Variants in RGS13 observed in about 807,000 individuals in gnomAD.
RGS13 encodes the protein regulator of G-protein signalling 13.
In RGS13, 14 loss-of-function variants were observed where a neutral mutation model predicts 19.9. The observed-to-expected ratio is 0.70, with a 90% CI of 0.46 to 1.10. RGS13 has a LOEUF of 1.10. Among genes scored for constraint, RGS13 ranks in the 50% least tolerant of loss-of-function variants. The pLI, the probability that RGS13 is intolerant of heterozygous loss-of-function variation, is 0.00. For synonymous variants in RGS13, 60 were observed against 56.8 expected (o/e 1.06, Z -0.25); for missense variants, 205 against 187.1 (o/e 1.10, Z -0.56).
chr1:192,637,199 C>T (rs763789602), intron 1 of RGS13, among the ~76,000 whole-genome samples: 1 of 151,800 alleles, frequency 6.6e-6, no homozygotes, highest in Non-Finnish European at 1.5e-5. Flanking sequence ...GCAAAATCAT[C>T]GTGGAGACCT....
Position 192,658,598 on chromosome 1 carries a change from G to A in RGS13, c.294+231G>A, listed in dbSNP as rs147421100. 281 of 389,078 alleles carry A rather than the reference G, an allele frequency of 7.2e-4. 4 individuals carry two copies. Among genetic ancestry groups the A allele is most frequent in the African/African-American group, 5.4e-3 (264 of 48,598 alleles). 24.1% of individuals were successfully genotyped at this position (389,078 alleles called of 1,614,324 possible). A position where few individuals can be genotyped will look rare whatever the true frequency, so the allele number is the denominator to read the frequency against. On this transcript the variant is annotated intron_variant, in intron 6 of 6. Transcript: ENST00000391995. ...TTAAGATTCAAAATTAAATCTATCT[G>A]GCTCCAAAGCTTCTCCCCATTAAAT...
At chr1:192,648,641 G>GAC (rs559623872) in intron 5 of RGS13, among the ~76,000 whole-genome samples, 1 of 152,120 alleles carries the variant, frequency 6.6e-6, no homozygotes, top group Non-Finnish European at 1.5e-5. Flanking sequence ...GTAGGGTGTA[G>GAC]ACACAGAAAA....
At position 192,655,032 on chromosome 1, in the gene RGS13, T is replaced by G. The variant is rs574524199; in HGVS notation, c.128-3169T>G. ...TTTAAAACTTCAGAACAGCCTACAT[T>G]GCCTGATTTAGAAAAGGCTTTTCCA... On this transcript the variant is annotated intron_variant, in intron 5 of 6. Coordinates refer to ENST00000391995, the MANE Select transcript of RGS13 (RefSeq NM_002927.5). Among the ~76,000 whole-genome samples the G allele has an allele frequency of 5.5e-4, 84 of 152,116 alleles. 1 individual carries two copies. The highest frequency in any genetic ancestry group is 9.6e-4 in the Non-Finnish European group (65 of 68,010).
At chr1:192,639,821 G>C (rs4459087) in intron 3 of RGS13, among the ~76,000 whole-genome samples, 5,003 of 152,190 alleles carry the variant, frequency 0.033, 216 homozygotes, top group East Asian at 0.11. Context: ...TCAACTTGCA[G>C]GAGCTGTGGG....
At chr1:192,641,170 GAAAGAAAGA>G (rs1456198912) in intron 3 of RGS13, among the ~76,000 whole-genome samples, 7 of 139,900 alleles carry the variant, frequency 5.0e-5, no homozygotes, top group African/African-American at 1.9e-4. Flanking sequence ...GAAAGAGAGA[GAAAGAAAGA>G]AAAGAAAGAA....
Position 192,659,488 on chromosome 1 carries a change from C to T in RGS13, c.445C>T (p.Leu149Phe), listed in dbSNP as rs1248146557. 2.5e-6 allele frequency: 4 copies of T among 1,612,246 alleles called. No individual in the cohort carries two copies. Among genetic ancestry groups the T allele is most frequent in the Admixed American group, 3.3e-5 (2 of 59,766 alleles). Residue 149 changes from leucine to phenylalanine, a missense_variant, in exon 7 of 7, where the codon CTT (leucine) becomes TTT (phenylalanine). Coordinates refer to ENST00000391995, the MANE Select transcript of RGS13 (RefSeq NM_002927.5). Reference sequence around the variant, plus strand: ...TCTAAAGTCAGAAATGTACCAAAAACTTTTGAAAACTATGCAGTCCAACAA... The same window carrying T: ...TCTAAAGTCAGAAATGTACCAAAAATTTTTGAAAACTATGCAGTCCAACAA... ...RFLKSEMYQK[L>F]LKTMQSNNSF
rs1663485171 is a variant in RGS13 at position 192,658,315 on chromosome 1, C to G, written c.242C>G (p.Ser81Cys). Reference sequence around the variant, plus strand: ...ATTGCCTCACGGTGGAGCAGAATTTCTAGGGCAAAGAAGCTTTATAAGATT... The same window carrying G: ...ATTGCCTCACGGTGGAGCAGAATTTGTAGGGCAAAGAAGCTTTATAAGATT... ...KKIASRWSRI[S>C]RAKKLYKIYI... Residue 81 changes from serine (S) to cysteine (C), a missense_variant, in exon 6 of 7, where the codon TCT (serine) becomes TGT (cysteine). Physicochemically the swap from Ser to Cys is moderately radical, Grantham distance 112. Coordinates refer to ENST00000391995, the MANE Select transcript of RGS13 (RefSeq NM_002927.5). 1.2e-6 allele frequency: 2 copies of G among 1,613,516 alleles called. No individual in the cohort carries two copies. The highest frequency in any genetic ancestry group is 1.7e-6 in the Non-Finnish European group (2 of 1,179,734).
chr1:192,659,597 C>T lies in RGS13; in HGVS notation c.*74C>T. On this transcript the variant is annotated 3_prime_UTR_variant, in exon 7 of 7. Coordinates refer to ENST00000391995, the MANE Select transcript of RGS13 (RefSeq NM_002927.5). Reference sequence around the variant, plus strand: ...TTTGATCTTTTTATTTAGAAACCCACAAAATCAGAAACACAGTACAAATAA... The same window carrying T: ...TTTGATCTTTTTATTTAGAAACCCATAAAATCAGAAACACAGTACAAATAA... The T allele has an allele frequency of 9.6e-7, 1 of 1,045,342 alleles. No homozygotes were observed. Among genetic ancestry groups the T allele is most frequent in the Non-Finnish European group, 1.4e-6 (1 of 712,936 alleles). The allele number at this position is 1,045,342 out of a possible 1,614,324, so 64.8% of individuals were successfully genotyped here.
intron 3 of RGS13, among the ~76,000 whole-genome samples, chr1:192,641,305 A>AGAAAGAAAGAAG (rs1663116990): frequency 8.2e-6 from 1 of 122,442 alleles, no homozygotes; most frequent in Admixed American, 8.7e-5. Flanking sequence ...AAAGAAAGAA[A>AGAAAGAAAGAAG]GAAAAGAAAG....
At chr1:192,637,967 T>C (rs953941840) in intron 2 of RGS13, among the ~76,000 whole-genome samples, 197 bp from the exon 3 acceptor site, 2 of 152,180 alleles carry the variant, frequency 1.3e-5, no homozygotes, top group East Asian at 1.9e-4. Context: ...GGATATTTCT[T>C]AGAAGTTCTC....
chr1:192,640,892 T>A (rs1663092271), intron 3 of RGS13, among the ~76,000 whole-genome samples: 1 of 152,156 alleles, frequency 6.6e-6, no homozygotes, highest in Non-Finnish European at 1.5e-5. Flanking sequence ...CCTGAAATTC[T>A]ATTGGTTTTC....
At chr1:192,644,256 T>TATAATA in intron 3 of RGS13, 75 bp from the exon 4 acceptor site, 2 of 1,071,882 alleles carry the variant, frequency 1.9e-6, no homozygotes, top group Non-Finnish European at 2.7e-6. Flanking sequence ...ATATTGTATG[T>TATAATA]TCCTTAGAAA....
intron 4 of RGS13, 53 bp downstream of exon 4, chr1:192,644,452 T>C: frequency 7.7e-7 from 1 of 1,304,972 alleles, no homozygotes; most frequent in Non-Finnish European, 1.1e-6. Flanking sequence ...TATCAGATGA[T>C]AAATAGGTAC....
At chr1:192,657,075 T>C (rs1360494306) in intron 5 of RGS13, among the ~76,000 whole-genome samples, 2 of 152,116 alleles carry the variant, frequency 1.3e-5, no homozygotes, top group African/African-American at 4.8e-5. Flanking sequence ...TGGCATTGAT[T>C]GTGGTGATGG....
Position 192,659,328 on chromosome 1 carries a change from C to T in RGS13, c.295-10C>T. ...TAACTTAATGCTGTACATGTAATTT[C>T]ACTTTTCAGATTAACATTGACAGTT... On this transcript the variant is annotated splice_polypyrimidine_tract_variant and intron_variant, in intron 6 of 6. Transcript: ENST00000391995. 1 of 1,602,954 alleles carries T rather than the reference C, an allele frequency of 6.2e-7. No homozygotes were observed. Among genetic ancestry groups the T allele is most frequent in the African/African-American group, 1.3e-5 (1 of 74,352 alleles).
At chr1:192,639,145 CT>C (rs1663062088) in intron 3 of RGS13, among the ~76,000 whole-genome samples, 1 of 152,062 alleles carries the variant, frequency 6.6e-6, no homozygotes, top group Admixed American at 6.6e-5. Flanking sequence ...AAAAAGTAGC[CT>C]TTTCACCACA....
Position 192,659,212 on chromosome 1 carries a change from A to AACT in RGS13, c.295-123_295-121dup, listed in dbSNP as rs1318341017. ...TATATATCTTCTTAGATGCCTATAA[A>AACT]ACTACAAAGAAAATTACCCTATTCC... is the stretch of plus-strand genomic sequence containing the variant. On this transcript the variant is annotated intron_variant, in intron 6 of 6. Transcript: ENST00000391995. 5 of 588,312 alleles carry AACT rather than the reference A, an allele frequency of 8.5e-6. No individual in the cohort carries two copies. The African/African-American group carries it at 9.6e-5, about 11-fold the overall frequency. 36.4% of individuals were successfully genotyped at this position (588,312 alleles called of 1,614,324 possible).
At chr1:192,642,406 C>G (rs907789150) in intron 3 of RGS13, among the ~76,000 whole-genome samples, 1 of 151,252 alleles carries the variant, frequency 6.6e-6, no homozygotes, top group African/African-American at 2.4e-5. Flanking sequence ...ACTGCAGCCT[C>G]AACCCCCTGG....
At chr1:192,651,335 G>A (rs1034198694) in intron 5 of RGS13, among the ~76,000 whole-genome samples, 8 of 151,998 alleles carry the variant, frequency 5.3e-5, no homozygotes, top group Non-Finnish European at 7.4e-5. Flanking sequence ...GGTGGAGATA[G>A]GTAAAACCAG....
Sources: allele counts gnomAD v4.1 joint callset (sites outside exome capture counted in the v4.1 genomes callset), GRCh38; gene constraint gnomAD v4.1.1; transcripts MANE v1.5; gene names NCBI Gene and HGNC (gene_info 2026-07-23, HGNC 2026-07-21).